Variants in XRRA1 observed in about 807,000 individuals in gnomAD.
The protein encoded by XRRA1 is X-ray radiation resistance associated 1, also known as X-ray radiation resistance-associated protein 1.
In XRRA1, 69 loss-of-function variants were observed where a neutral mutation model predicts 80.2. The ratio of observed to expected loss-of-function variants is 0.86; its 90% CI spans 0.71 to 1.05. XRRA1 has a LOEUF of 1.05. Among genes scored for constraint, XRRA1 ranks in the 50% least tolerant of loss-of-function variants. XRRA1 has a pLI of 0.00. For missense variants in XRRA1, 967 were observed against 976.4 expected, an observed-to-expected ratio of 0.99 and a Z score of 0.13; for synonymous variants, 348 against 389.9, an observed-to-expected ratio of 0.89 and a Z score of 1.27.
At chr11:74,936,217 A>G (rs1312401320) in intron 4 of XRRA1, among the ~76,000 whole-genome samples, 1 of 152,262 alleles carries the variant, frequency 6.6e-6, no homozygotes, top group Non-Finnish European at 1.5e-5. Flanking sequence ...GGCATTGCAC[A>G]GAGCAGATGT....
chr11:74,867,835 C>T (rs1389402830), intron 10 of XRRA1, among the ~76,000 whole-genome samples: 1 of 148,640 alleles, frequency 6.7e-6, no homozygotes, highest in Non-Finnish European at 1.5e-5. Context: ...AAGGACAGGT[C>T]ACCTACAAAA....
intron 10 of XRRA1, among the ~76,000 whole-genome samples, chr11:74,899,004 A>C (rs1252985063): frequency 6.6e-6 from 1 of 152,214 alleles, no homozygotes. Context: ...ACCATATGTT[A>C]GGTCACAAAA....
At chr11:74,927,077 C>G (rs1942412346) in intron 7 of XRRA1, among the ~76,000 whole-genome samples, 1 of 152,174 alleles carries the variant, frequency 6.6e-6, no homozygotes, top group Non-Finnish European at 1.5e-5. Flanking sequence ...CTTCAATACT[C>G]TGTTTTAAAA....
rs772279123 is a variant in XRRA1 at position 74,937,084 on chromosome 11, G to C, written c.95-16C>G. 6.2e-7 allele frequency: 1 copy of C among 1,606,140 alleles called. No homozygotes were observed. The highest frequency in any genetic ancestry group is 8.5e-7 in the Non-Finnish European group (1 of 1,175,928). On this transcript the variant is annotated splice_polypyrimidine_tract_variant and intron_variant, in intron 3 of 18. Coordinates refer to ENST00000684022, the MANE Select transcript of XRRA1 (RefSeq NM_001378157.1). ...TGTCCTTGGCCTGTTGAGAAAATTA[G>C]AACAGTGAAAAGGGGAAAACTCCAA...
intron 6 of XRRA1, 143 bp downstream of exon 6, chr11:74,930,157 T>C (rs1943177119): frequency 9.8e-6 from 7 of 712,906 alleles, no homozygotes; most frequent in Non-Finnish European, 4.8e-6. Flanking sequence ...GAGGTCTTTG[T>C]GCTCTCCAGC....
intron 11 of XRRA1, among the ~76,000 whole-genome samples, chr11:74,861,680 T>C (rs1474144445): frequency 1.3e-5 from 2 of 152,202 alleles, no homozygotes; most frequent in African/African-American, 4.8e-5. Flanking sequence ...CCCCAGTCCA[T>C]GGAAAAATTG....
At chr11:74,844,732 G>T (rs560348240) in intron 16 of XRRA1, among the ~76,000 whole-genome samples, 38 of 152,218 alleles carry the variant, frequency 2.5e-4, no homozygotes, top group African/African-American at 8.4e-4. Flanking sequence ...AACCTGGGCT[G>T]GGAAAAGCTC....
chr11:74,858,173 A>G (rs940546787), intron 12 of XRRA1, among the ~76,000 whole-genome samples: 16 of 152,354 alleles, frequency 1.1e-4, no homozygotes, highest in African/African-American at 3.6e-4. Flanking sequence ...GAAAAAGTCA[A>G]TGAAAGAGGT....
At chr11:74,878,479 T>C (rs1265148756) in intron 10 of XRRA1, among the ~76,000 whole-genome samples, 1 of 152,224 alleles carries the variant, frequency 6.6e-6, no homozygotes. Flanking sequence ...CAGATCCCAT[T>C]TGTCAGTTTT....
intron 11 of XRRA1, among the ~76,000 whole-genome samples, chr11:74,861,974 G>A (rs962440140): frequency 6.6e-6 from 1 of 152,194 alleles, no homozygotes; most frequent in Non-Finnish European, 1.5e-5. Context: ...CGCAAACTCA[G>A]GGGTCAGCGT....
intron 10 of XRRA1, among the ~76,000 whole-genome samples, chr11:74,882,402 T>C (rs2136783425): frequency 6.6e-6 from 1 of 151,448 alleles, no homozygotes; most frequent in East Asian, 1.9e-4. Context: ...ATTCTAGTTA[T>C]ACATTCTTCT....
At chr11:74,918,501 T>C (rs887996154) in intron 8 of XRRA1, among the ~76,000 whole-genome samples, 4 of 152,202 alleles carry the variant, frequency 2.6e-5, no homozygotes, top group Non-Finnish European at 4.4e-5. Context: ...GTGTCTTCAG[T>C]ATAAGAGGAA....
chr11:74,921,043 C>T (rs1473845438), intron 8 of XRRA1, among the ~76,000 whole-genome samples, 171 bp downstream of exon 8: 1 of 152,256 alleles, frequency 6.6e-6, no homozygotes, highest in African/African-American at 2.4e-5. Flanking sequence ...TAACAGCACA[C>T]AGGAAATTGG....
At chr11:74,886,742 A>G (rs1053484690) in intron 10 of XRRA1, among the ~76,000 whole-genome samples, 24 of 152,236 alleles carry the variant, frequency 1.6e-4, no homozygotes, top group African/African-American at 5.5e-4. Context: ...ACCTTTAAAA[A>G]AAGCCTGAAT....
At chr11:74,888,226 TC>T (rs780322040) in intron 10 of XRRA1, among the ~76,000 whole-genome samples, 1 of 152,060 alleles carries the variant, frequency 6.6e-6, no homozygotes, top group Non-Finnish European at 1.5e-5. Flanking sequence ...AGACAAAACT[TC>T]CAGAGGAACG....
intron 10 of XRRA1, among the ~76,000 whole-genome samples, chr11:74,887,019 A>C (rs933322020): frequency 6.6e-6 from 1 of 152,250 alleles, no homozygotes. Context: ...CCATATGCAG[A>C]AGATTGAAAC....
chr11:74,892,655 A>C lies in XRRA1; in HGVS notation c.1003+13584T>G, dbSNP rs573987290. Among the ~76,000 whole-genome samples, 1,460 of 152,294 alleles carry C rather than the reference A, an allele frequency of 9.6e-3. 24 individuals carry two copies. Among genetic ancestry groups the C allele is most frequent in the African/African-American group, 0.033 (1,379 of 41,540 alleles). ...GGGAGAACATTTTTGCAATCTACTC[A>C]TCTGACAAAGGGCTAATATCCAGAA... On this transcript the variant is annotated intron_variant, in intron 10 of 18. Coordinates refer to ENST00000684022, the MANE Select transcript of XRRA1 (RefSeq NM_001378157.1).
rs144345661 is a variant in XRRA1 at position 74,941,391 on chromosome 11, C to T, written c.-4-509G>A. 4.1e-3 allele frequency among the ~76,000 whole-genome samples: 619 copies of T among 152,194 alleles called. 4 individuals carry two copies. The highest frequency in any genetic ancestry group is 0.015 in the African/African-American group (606 of 41,510). ...TAGTGTACAAATAATGAGACTTGAA[C>T]TGGATAAATAGTATTTGAGGGATTG... On this transcript the variant is annotated intron_variant, in intron 2 of 18. Transcript: ENST00000684022.
chr11:74,944,403 C>G (rs968392302), intron 2 of XRRA1, among the ~76,000 whole-genome samples: 3 of 152,172 alleles, frequency 2.0e-5, no homozygotes, highest in African/African-American at 7.2e-5. Flanking sequence ...TAAGAAAGGG[C>G]AATATCAATG....
Sources: allele counts gnomAD v4.1 joint callset (sites outside exome capture counted in the v4.1 genomes callset), GRCh38; gene constraint gnomAD v4.1.1; transcripts MANE v1.5; gene names NCBI Gene and HGNC (gene_info 2026-07-23, HGNC 2026-07-21).